TRAPPC3: variants seen among roughly 807,000 people sequenced by gnomAD.
TRAPPC3 encodes trafficking protein particle complex subunit 3, also known as trafficking protein particle complex 3.
TRAPPC3 carries 5 observed loss-of-function variants against 18.2 expected under a neutral mutation model. The observed-to-expected ratio is 0.28, with a 90% confidence interval of 0.14 to 0.58. TRAPPC3 has a LOEUF of 0.58. Among genes scored for constraint, TRAPPC3 ranks in the 20% least tolerant of loss-of-function variants. The pLI is 0.91. For synonymous variants in TRAPPC3, 65 were observed against 84.2 expected (o/e 0.77, Z 1.25); for missense variants, 176 against 225.9 (o/e 0.78, Z 1.41).
intron 1 of TRAPPC3, among the ~76,000 whole-genome samples, chr1:36,148,095 A>T (rs529799480): frequency 6.6e-6 from 1 of 152,250 alleles, no homozygotes; most frequent in African/African-American, 2.4e-5. Context: ...ATTGAAGATC[A>T]ATCAAGTAAG....
upstream of TRAPPC3, among the ~76,000 whole-genome samples, chr1:36,153,205 T>C (rs2124182458): frequency 6.6e-6 from 1 of 152,304 alleles, no homozygotes; most frequent in East Asian, 1.9e-4. Flanking sequence ...GGGATGTCTA[T>C]TTGTGGTGCC....
intron 1 of TRAPPC3, among the ~76,000 whole-genome samples, chr1:36,141,873 G>A (rs1175041113): frequency 6.8e-6 from 1 of 146,670 alleles, no homozygotes; most frequent in Non-Finnish European, 1.5e-5. Flanking sequence ...CAGGAGAATC[G>A]CTAGAACCCG....
intron 1 of TRAPPC3, among the ~76,000 whole-genome samples, chr1:36,143,563 C>A (rs537443841): frequency 1.1e-4 from 16 of 152,278 alleles, no homozygotes; most frequent in African/African-American, 3.9e-4. Flanking sequence ...TCATAAAGGT[C>A]ATAAAGGTCA....
upstream of TRAPPC3, among the ~76,000 whole-genome samples, chr1:36,154,108 G>A (rs1570111201): frequency 6.6e-6 from 1 of 152,130 alleles, no homozygotes; most frequent in Non-Finnish European, 1.5e-5. Context: ...GGGTTCAAAC[G>A]ATTCTCCTGC....
chr1:36,149,150 C>A, intron 1 of TRAPPC3, 187 bp downstream of exon 1: 3 of 1,462,060 alleles, frequency 2.1e-6, no homozygotes, highest in South Asian at 1.4e-5. Flanking sequence ...GGGGTCTCCT[C>A]CGGGGAACTT....
Position 36,137,016 on chromosome 1 carries a change from T to C in TRAPPC3, c.*187A>G. On this transcript the variant is annotated 3_prime_UTR_variant, in exon 5 of 5. Transcript: ENST00000373166. ...GGGGGCAGAGACTGTCGCTCCTGAA[T>C]GTGCACACATGGGGTAAATGGACTA... 7.0e-6 allele frequency: 4 copies of C among 569,030 alleles called. No homozygotes were observed. The highest frequency in any genetic ancestry group is 1.2e-5 in the Non-Finnish European group (4 of 343,298). The allele number at this position is 569,030 out of a possible 1,614,324, so 35.2% of individuals were successfully genotyped here.
At chr1:36,149,083 A>G (rs1557763543) in intron 1 of TRAPPC3, 5 of 1,394,982 alleles carry the variant, frequency 3.6e-6, no homozygotes, top group Admixed American at 5.9e-5. Context: ...AGTTATTGGT[A>G]TTTATTACCG....
intron 3 of TRAPPC3, among the ~76,000 whole-genome samples, chr1:36,138,652 C>G (rs1410142598): frequency 6.6e-6 from 1 of 152,166 alleles, no homozygotes; most frequent in Admixed American, 6.5e-5. Flanking sequence ...TAAACACTAG[C>G]ATTTTACCTA....
chr1:36,144,622 C>A (rs1015037343), intron 1 of TRAPPC3, among the ~76,000 whole-genome samples: 3 of 152,196 alleles, frequency 2.0e-5, no homozygotes, highest in African/African-American at 7.2e-5. Flanking sequence ...CCACTGCATT[C>A]CAGCCTGGAC....
rs558502345 is a variant in TRAPPC3, at chr1:36,138,157, C to T, written c.241-179G>A. 102 of 1,551,714 alleles carry T rather than the reference C, an allele frequency of 6.6e-5. No individual in the cohort carries two copies. The African/African-American group carries it at 1.1e-3, about 16-fold the overall frequency. On this transcript the variant is annotated intron_variant, in intron 3 of 4. Transcript: ENST00000373166. Reference sequence around the variant, plus strand: ...GAAGCATCTGTACATGATGCTGCACCCCTCTCCTTCACGGCATCATACAGT... The same window carrying T: ...GAAGCATCTGTACATGATGCTGCACTCCTCTCCTTCACGGCATCATACAGT...
In TRAPPC3 at chr1:36,137,002, C is replaced by CT. The variant is rs1180061213; in HGVS notation, c.*200dup. ...CCTCTCAAGGGAATGGGGGCAGAGA[C>CT]TGTCGCTCCTGAATGTGCACACATG... On this transcript the variant is annotated 3_prime_UTR_variant, in exon 5 of 5. Coordinates refer to ENST00000373166, the MANE Select transcript of TRAPPC3 (RefSeq NM_014408.5). The CT allele has an allele frequency of 1.2e-5, 6 of 494,580 alleles. No individual in the cohort carries two copies. Among genetic ancestry groups the CT allele is most frequent in the African/African-American group, 1.2e-4 (6 of 51,706 alleles). 30.6% of individuals were successfully genotyped at this position (494,580 alleles called of 1,614,324 possible).
At chr1:36,145,752 T>C (rs1472441200) in intron 1 of TRAPPC3, among the ~76,000 whole-genome samples, 4 of 152,192 alleles carry the variant, frequency 2.6e-5, no homozygotes, top group Admixed American at 1.3e-4. Flanking sequence ...AACCCTATAA[T>C]ATAGGTACTA....
upstream of TRAPPC3, among the ~76,000 whole-genome samples, chr1:36,151,989 G>A (rs1466092293): frequency 3.3e-5 from 5 of 152,306 alleles, no homozygotes; most frequent in South Asian, 4.1e-4. Flanking sequence ...TAGAGACCCC[G>A]TGTTGCTGCA....
chr1:36,153,295 G>A (rs952729725), upstream of TRAPPC3, among the ~76,000 whole-genome samples: 2 of 152,164 alleles, frequency 1.3e-5, no homozygotes, highest in Admixed American at 1.3e-4. Flanking sequence ...AATCTGCCAG[G>A]GATCCTGGCC....
In TRAPPC3 at chr1:36,139,653, A is replaced by C. The variant is rs2231314; in HGVS notation, c.240+67T>G. ...TTAAAGGCCTCTCTAAGGGAGATAG[A>C]AAGAGTGGTAAGCAGTGCCTCTCAG... On this transcript the variant is annotated intron_variant, in intron 3 of 4. Coordinates refer to ENST00000373166, the MANE Select transcript of TRAPPC3 (RefSeq NM_014408.5). 2.0e-3 allele frequency: 3,177 copies of C among 1,598,910 alleles called. 14 individuals carry two copies. Among genetic ancestry groups the C allele is most frequent in the Middle Eastern group, 6.3e-3 (38 of 6,032 alleles).
Position 36,149,466 on chromosome 1 carries a change from C to T in TRAPPC3, c.-88G>A, listed in dbSNP as rs1293491087. The stretch of plus-strand genomic sequence containing the variant: ...CGGAGCCTAAGCCGCTGCCCCTCAG[C>T]CCACAAGACCGACCGGCACTGACTC... On this transcript the variant is annotated 5_prime_UTR_variant, in exon 1 of 5. Coordinates refer to ENST00000373166, the MANE Select transcript of TRAPPC3 (RefSeq NM_014408.5). The T allele has an allele frequency of 3.3e-6, 5 of 1,528,948 alleles. No homozygotes were observed. In the African/African-American group the frequency reaches 6.8e-5, roughly 21 times the overall value. 94.7% of individuals were successfully genotyped at this position (1,528,948 alleles called of 1,614,324 possible).
At chr1:36,144,665 G>A (rs1644167359) in intron 1 of TRAPPC3, among the ~76,000 whole-genome samples, 1 of 152,226 alleles carries the variant, frequency 6.6e-6, no homozygotes, top group Admixed American at 6.5e-5. Context: ...CTGATTCTGA[G>A]TCTGGACTTG....
chr1:36,144,985 C>T (rs2124161205), intron 1 of TRAPPC3, among the ~76,000 whole-genome samples: 1 of 152,222 alleles, frequency 6.6e-6, no homozygotes, highest in Admixed American at 6.5e-5. Context: ...GTTAGTGCCC[C>T]AAACAAAATG....
At chr1:36,142,144 C>T (rs753745626) in intron 1 of TRAPPC3, among the ~76,000 whole-genome samples, 9 of 151,726 alleles carry the variant, frequency 5.9e-5, no homozygotes, top group Non-Finnish European at 1.3e-4. Flanking sequence ...AAAAAAAATA[C>T]CCAAAAAACT....
Sources: allele counts gnomAD v4.1 joint callset (sites outside exome capture counted in the v4.1 genomes callset), GRCh38; gene constraint gnomAD v4.1.1; transcripts MANE v1.5; gene names NCBI Gene and HGNC (gene_info 2026-07-23, HGNC 2026-07-21).